The following CDH7 variants were observed in gnomAD, a reference collection of about 807,000 sequenced individuals.
The protein encoded by CDH7 is cadherin-7.
Under a neutral mutation model 71.8 loss-of-function variants are expected in CDH7, and 25 were observed. The observed-to-expected ratio is 0.35, with a 90% CI of 0.25 to 0.49. CDH7 has a LOEUF of 0.49. Among genes scored for constraint, CDH7 ranks in the 20% least tolerant of loss-of-function variants. The pLI is 0.99. For synonymous variants in CDH7, 381 were observed against 363.8 expected, an observed-to-expected ratio of 1.05 and a Z score of -0.54; for missense variants, 862 against 974.6, an observed-to-expected ratio of 0.88 and a Z score of 1.54.
chr18:65,765,384 A>G (rs761479095), intron 2 of CDH7, among the ~76,000 whole-genome samples: 9 of 152,002 alleles, frequency 5.9e-5, no homozygotes, highest in Non-Finnish European at 1.0e-4. Context: ...GGTCTGAATA[A>G]GCAGAGATAT....
At chr18:65,818,113 T>A (rs1337780782) in intron 4 of CDH7, among the ~76,000 whole-genome samples, 1 of 152,194 alleles carries the variant, frequency 6.6e-6, no homozygotes, top group Admixed American at 6.5e-5. Flanking sequence ...TAATAGAGTA[T>A]TTTTAAAATA....
chr18:65,821,687 T>A (rs1911935632), intron 4 of CDH7, among the ~76,000 whole-genome samples: 1 of 152,178 alleles, frequency 6.6e-6, no homozygotes, highest in African/African-American at 2.4e-5. Context: ...AAACTGATAG[T>A]AAGTGGTTAT....
chr18:65,850,813 CTTTT>C (rs370158021), intron 7 of CDH7, among the ~76,000 whole-genome samples: 3 of 137,824 alleles, frequency 2.2e-5, no homozygotes, highest in South Asian at 2.3e-4. Context: ...CATTTTTATT[CTTTT>C]TTTTTTTTTT....
At chr18:65,832,683 A>C (rs1385277) in intron 6 of CDH7, among the ~76,000 whole-genome samples, 122,879 of 152,056 alleles carry the variant, frequency 0.81, 53,685 homozygotes, top group East Asian at 0.99. Flanking sequence ...GGATTTCAAA[A>C]TTTACAAAGA....
chr18:65,768,963 G>A (rs1203317139), intron 2 of CDH7, among the ~76,000 whole-genome samples: 4 of 149,616 alleles, frequency 2.7e-5, no homozygotes, highest in Non-Finnish European at 3.0e-5. Flanking sequence ...AATATTTATC[G>A]CATACTTATA....
chr18:65,876,509 C>T (rs1321323291), intron 11 of CDH7, among the ~76,000 whole-genome samples: 1 of 152,144 alleles, frequency 6.6e-6, no homozygotes, highest in Admixed American at 6.6e-5. Context: ...CTTTGCCCTC[C>T]AGCCACGTTG....
rs993192004 is a variant in CDH7 at position 65,830,135 on chromosome 18, T to C, written c.981+5304T>C. Among the ~76,000 whole-genome samples, 4 of 152,108 alleles carry C rather than the reference T, an allele frequency of 2.6e-5. No homozygotes were observed. In the East Asian group the frequency reaches 7.7e-4, roughly 29 times the overall value. On this transcript the variant is annotated intron_variant, in intron 6 of 11. Transcript: ENST00000397968. Reference sequence around the variant, plus strand: ...TTCACTTATGAGATAACCTGCTAAATACAGAAAGAACCGGGGCAATTTCTT... The same window carrying C: ...TTCACTTATGAGATAACCTGCTAAACACAGAAAGAACCGGGGCAATTTCTT...
At chr18:65,806,290 GA>G (rs34836118) in intron 2 of CDH7, among the ~76,000 whole-genome samples, 86 of 146,072 alleles carry the variant, frequency 5.9e-4, no homozygotes, top group East Asian at 4.1e-3. Context: ...GTGCTCATTT[GA>G]AAAAAAAAAA....
At chr18:65,791,993 C>G (rs1270130712) in intron 2 of CDH7, among the ~76,000 whole-genome samples, 1 of 152,062 alleles carries the variant, frequency 6.6e-6, no homozygotes, top group Non-Finnish European at 1.5e-5. Flanking sequence ...ACTTTCTCTG[C>G]TTAGTACGCT....
chr18:65,773,292 C>T (rs184361175), intron 2 of CDH7, among the ~76,000 whole-genome samples: 1 of 152,074 alleles, frequency 6.6e-6, no homozygotes, highest in African/African-American at 2.4e-5. Context: ...TATATAAATG[C>T]CTTAAACTTG....
At chr18:65,849,349 C>CT (rs202031375) in intron 7 of CDH7, among the ~76,000 whole-genome samples, 2,504 of 10,230 alleles carry the variant, frequency 0.24, 13 homozygotes, top group East Asian at 0.42. Flanking sequence ...TTTTTCTTTT[C>CT]TTTTCTTTTC....
At chr18:65,755,473 C>T (rs1214428274) in intron 1 of CDH7, among the ~76,000 whole-genome samples, 1 of 152,196 alleles carries the variant, frequency 6.6e-6, no homozygotes, top group Non-Finnish European at 1.5e-5. Context: ...TTACATTTTT[C>T]AGTATTGAAA....
At chr18:65,872,076 G>C (rs1282691053) in intron 11 of CDH7, among the ~76,000 whole-genome samples, 1 of 152,122 alleles carries the variant, frequency 6.6e-6, no homozygotes, top group Non-Finnish European at 1.5e-5. Flanking sequence ...TGGTTTGAAA[G>C]AAGAAAATAA....
At chr18:65,825,754 A>G (rs1912107246) in intron 6 of CDH7, among the ~76,000 whole-genome samples, 1 of 151,870 alleles carries the variant, frequency 6.6e-6, no homozygotes, top group Non-Finnish European at 1.5e-5. Context: ...TTTCAGGCCA[A>G]TGAGAAAAAC....
At chr18:65,816,450 A>G (rs1439170622) in intron 4 of CDH7, among the ~76,000 whole-genome samples, 1 of 152,162 alleles carries the variant, frequency 6.6e-6, no homozygotes, top group Non-Finnish European at 1.5e-5. Flanking sequence ...TGATTCATTT[A>G]TATGTGAGAA....
intron 1 of CDH7, among the ~76,000 whole-genome samples, chr18:65,752,233 AT>A (rs1915904242): frequency 6.6e-6 from 1 of 152,278 alleles, no homozygotes; most frequent in African/African-American, 2.4e-5. Flanking sequence ...TATACAAAAA[AT>A]AAGAGAAAAA....
chr18:65,829,608 T>C (rs997778729), intron 6 of CDH7, among the ~76,000 whole-genome samples: 1 of 152,024 alleles, frequency 6.6e-6, no homozygotes, highest in African/African-American at 2.4e-5. Flanking sequence ...TTTTTTCCAG[T>C]TCTTCAAACC....
intron 2 of CDH7, among the ~76,000 whole-genome samples, chr18:65,791,332 GTTCT>G (rs1599008706): frequency 6.6e-6 from 1 of 152,130 alleles, no homozygotes; most frequent in Non-Finnish European, 1.5e-5. Context: ...CTGAAACCCT[GTTCT>G]TTCTATGTGA....
At chr18:65,824,608 G>GTT in intron 5 of CDH7, 36 bp from the exon 6 acceptor site, 1 of 1,411,532 alleles carries the variant, frequency 7.1e-7, no homozygotes, top group Non-Finnish European at 9.6e-7. Flanking sequence ...GGTTAGTTTG[G>GTT]TGTAACGTGT....
Sources: gnomAD v4.1 joint callset for allele counts (sites outside exome capture counted in the v4.1 genomes callset) on GRCh38, gnomAD v4.1.1 for gene constraint, MANE v1.5 for transcripts, NCBI Gene and HGNC (gene_info 2026-07-23, HGNC 2026-07-21) for gene names.